IRAG1: variants seen among roughly 807,000 people sequenced by gnomAD.
IRAG1 encodes IP3R-associated cGMP kinase substrate.
A neutral mutation model predicts 106.2 loss-of-function variants in IRAG1; 62 were observed. That is an observed-to-expected ratio of 0.58 (90% CI 0.48 to 0.72). The LOEUF (loss-of-function observed/expected upper bound fraction) is 0.72, where lower values mean the gene tolerates loss of function less well. Ranked by LOEUF, IRAG1 falls within the 30% of genes least tolerant of loss-of-function variation. The pLI is 0.00. For missense variants in IRAG1, 1,064 were observed against 1,140.7 expected, an observed-to-expected ratio of 0.93 and a Z score of 0.97; for synonymous variants, 462 against 443.9, an observed-to-expected ratio of 1.04 and a Z score of -0.51.
chr11:10,578,505 G>A (rs1418366545), intron 20 of IRAG1, among the ~76,000 whole-genome samples: 4 of 152,222 alleles, frequency 2.6e-5, no homozygotes, highest in Non-Finnish European at 4.4e-5. Context: ...AATGTGTGAT[G>A]TTGAATCTCT....
chr11:10,649,698 A>G (rs939660869), intron 2 of IRAG1, among the ~76,000 whole-genome samples: 1 of 152,192 alleles, frequency 6.6e-6, no homozygotes, highest in African/African-American at 2.4e-5. Flanking sequence ...GTACAGTGCC[A>G]TTAGGTTGGC....
Position 10,601,023 on chromosome 11 carries a change from G to C in IRAG1, c.1912C>G (p.Gln638Glu). Residue 638 changes from glutamine to glutamate, a missense_variant, in exon 15 of 21, where the codon CAG becomes GAG. Physicochemically the swap from Gln to Glu is conservative, Grantham distance 29 (BLOSUM62 2). Transcript: ENST00000423302. ...GTCCTCTTTAGATTCTCCACATACTGCATCATCACTTCCGTTGCTTTCGAC... is the reference window on the plus strand; with the variant it reads ...GTCCTCTTTAGATTCTCCACATACTCCATCATCACTTCCGTTGCTTTCGAC... ...RMSKATEVMM[Q>E]YVENLKRTYE... 1.9e-6 allele frequency: 3 copies of C among 1,614,052 alleles called. No homozygotes were observed. The highest frequency in any genetic ancestry group is 2.5e-6 in the Non-Finnish European group (3 of 1,179,902).
intron 1 of IRAG1, among the ~76,000 whole-genome samples, chr11:10,681,522 C>A (rs1381844478): frequency 6.6e-6 from 1 of 152,196 alleles, no homozygotes; most frequent in African/African-American, 2.4e-5. Context: ...TTGTCACTGA[C>A]AGTGCCCAGC....
At chr11:10,585,258 G>A (rs200076978) in intron 18 of IRAG1, among the ~76,000 whole-genome samples, 1 of 152,072 alleles carries the variant, frequency 6.6e-6, no homozygotes, top group Admixed American at 6.5e-5. Flanking sequence ...CCATTTCATC[G>A]ACTCTTTTAC....
At chr11:10,629,742 C>T (rs1856544556) in intron 4 of IRAG1, 31 bp from the exon 5 acceptor site, 1 of 1,602,234 alleles carries the variant, frequency 6.2e-7, no homozygotes. Flanking sequence ...GGGGTGAGAG[C>T]CACTGCATCC....
At chr11:10,600,483 ATCAAG>A (rs1853869471) in intron 15 of IRAG1, among the ~76,000 whole-genome samples, 1 of 152,218 alleles carries the variant, frequency 6.6e-6, no homozygotes, top group Non-Finnish European at 1.5e-5. Context: ...TACATATATG[ATCAAG>A]TCATTTTCTT....
intron 2 of IRAG1, among the ~76,000 whole-genome samples, chr11:10,643,176 CAAAAAAAAAAAAA>C (rs10679269): frequency 1.0e-4 from 6 of 60,246 alleles, no homozygotes; most frequent in African/African-American, 3.7e-4. Context: ...GACTCCGTCT[CAAAAAAAAAAAAA>C]AAAAAAAAAA....
intron 2 of IRAG1, among the ~76,000 whole-genome samples, chr11:10,641,471 C>T (rs951322098): frequency 1.3e-5 from 2 of 152,196 alleles, no homozygotes; most frequent in Admixed American, 6.5e-5. Context: ...ACCAAGGCCA[C>T]CTTCACCCGG....
At chr11:10,593,214 T>C in intron 17 of IRAG1, 1 of 243,902 alleles carries the variant, frequency 4.1e-6, no homozygotes, top group Non-Finnish European at 8.1e-6. Flanking sequence ...TGTAACCACC[T>C]TGGCAGATTG....
intron 5 of IRAG1, 35 bp downstream of exon 5, chr11:10,629,503 C>T: frequency 6.3e-7 from 1 of 1,598,296 alleles, no homozygotes; most frequent in Non-Finnish European, 8.5e-7. Context: ...CCTAGAGGGG[C>T]TCAGGGCAGC....
intron 1 of IRAG1, among the ~76,000 whole-genome samples, chr11:10,669,033 G>T (rs1860011205): frequency 1.3e-5 from 2 of 152,152 alleles, no homozygotes; most frequent in African/African-American, 4.8e-5. Context: ...TCCTTCAAAG[G>T]TTAGTATATT....
intron 2 of IRAG1, among the ~76,000 whole-genome samples, chr11:10,646,881 C>T (rs1231353584): frequency 6.6e-6 from 1 of 152,124 alleles, no homozygotes; most frequent in Non-Finnish European, 1.5e-5. Context: ...TGTCCATGTC[C>T]CTTCCTCATT....
At chr11:10,601,094 T>G (rs528867271) in intron 14 of IRAG1, 35 bp from the exon 15 acceptor site, 16 of 1,611,292 alleles carry the variant, frequency 9.9e-6, no homozygotes, top group Non-Finnish European at 1.4e-5. Flanking sequence ...CATGAGGCCA[T>G]TGGAGGAAAG....
chr11:10,597,582 C>G (rs982522852), intron 15 of IRAG1, among the ~76,000 whole-genome samples: 3 of 152,180 alleles, frequency 2.0e-5, no homozygotes, highest in Admixed American at 2.0e-4. Flanking sequence ...GTCTCAACCT[C>G]CTGGCCTCAA....
intron 15 of IRAG1, among the ~76,000 whole-genome samples, chr11:10,599,315 T>C (rs995037719): frequency 6.6e-6 from 1 of 152,218 alleles, no homozygotes; most frequent in African/African-American, 2.4e-5. Flanking sequence ...TAAATGTCTG[T>C]AGAATGAACG....
intron 2 of IRAG1, among the ~76,000 whole-genome samples, chr11:10,645,123 C>A (rs1191028477): frequency 6.6e-6 from 1 of 152,028 alleles, no homozygotes; most frequent in Non-Finnish European, 1.5e-5. Flanking sequence ...AGTTAATGCT[C>A]AATAAACATT....
chr11:10,594,405 C>T (rs185736157), intron 15 of IRAG1, among the ~76,000 whole-genome samples: 2 of 152,216 alleles, frequency 1.3e-5, no homozygotes, highest in Admixed American at 1.3e-4. Context: ...AACCTTTATC[C>T]TAACTCCCCT....
In IRAG1 at chr11:10,645,950, T is replaced by C. The variant is rs115400969; in HGVS notation, c.225+6075A>G. ...TAGTAAGTTCTCCATAAAGGTTAGC[T>C]GTTGTTAGTGGCTATTCCTATAACT... is the stretch of plus-strand genomic sequence containing the variant. On this transcript the variant is annotated intron_variant, in intron 2 of 20. Transcript: ENST00000423302. Among the ~76,000 whole-genome samples, 944 of 152,346 alleles carry C rather than the reference T, an allele frequency of 6.2e-3. 9 individuals carry two copies. Among genetic ancestry groups the C allele is most frequent in the African/African-American group, 0.021 (889 of 41,572 alleles).
At chr11:10,639,862 G>C (rs911544093) in intron 2 of IRAG1, among the ~76,000 whole-genome samples, 3 of 152,160 alleles carry the variant, frequency 2.0e-5, no homozygotes, top group Non-Finnish European at 2.9e-5. Context: ...ATCAGATTCT[G>C]TTTGGCGTCC....
Sources: gnomAD v4.1 joint callset for allele counts (sites outside exome capture counted in the v4.1 genomes callset) on GRCh38, gnomAD v4.1.1 for gene constraint, MANE v1.5 for transcripts, NCBI Gene and HGNC (gene_info 2026-07-23, HGNC 2026-07-21) for gene names.